The following FBXW7 variants were observed in gnomAD, a reference collection of about 807,000 sequenced individuals.
The protein encoded by FBXW7 is F-box and WD repeat domain containing 7.
FBXW7 carries 11 observed loss-of-function variants against 86.3 expected under a neutral mutation model. The ratio of observed to expected loss-of-function variants is 0.13; its 90% CI spans 0.08 to 0.21. The LOEUF is 0.21. Among genes scored for constraint, FBXW7 ranks in the 10% least tolerant of loss-of-function variants. The probability of loss-of-function intolerance (pLI) is 1.00; values close to 1 mark genes in which losing one functional copy is unlikely to be tolerated. For synonymous variants in FBXW7, 313 were observed against 297.9 expected (o/e 1.05, Z -0.52); for missense variants, 488 against 847.4 (o/e 0.58, Z 5.27).
intron 2 of FBXW7, among the ~76,000 whole-genome samples, chr4:152,519,487 T>C (rs933093186): frequency 6.6e-6 from 1 of 152,198 alleles, no homozygotes; most frequent in South Asian, 2.1e-4. Flanking sequence ...GATTTAACTC[T>C]CACTCAACAA....
chr4:152,356,422 C>A (rs920472470), intron 4 of FBXW7, among the ~76,000 whole-genome samples: 2 of 149,934 alleles, frequency 1.3e-5, no homozygotes, highest in East Asian at 3.9e-4. Flanking sequence ...CTTTTCTTTA[C>A]CTTGCTAACA....
intron 2 of FBXW7, among the ~76,000 whole-genome samples, chr4:152,513,600 T>G (rs1452145295): frequency 6.6e-6 from 1 of 152,226 alleles, no homozygotes; most frequent in African/African-American, 2.4e-5. Context: ...AAAGAGGAAA[T>G]TCAATAAAGT....
chr4:152,367,172 T>C (rs1733567336), intron 4 of FBXW7, among the ~76,000 whole-genome samples: 1 of 152,096 alleles, frequency 6.6e-6, no homozygotes, highest in Non-Finnish European at 1.5e-5. Flanking sequence ...AAATATCTAA[T>C]GTAAATGACA....
At chr4:152,467,141 C>T (rs1320516910) in intron 2 of FBXW7, among the ~76,000 whole-genome samples, 2 of 152,178 alleles carry the variant, frequency 1.3e-5, no homozygotes, top group Non-Finnish European at 2.9e-5. Context: ...CAAATCTCAT[C>T]TTGAATTGCA....
intron 2 of FBXW7, among the ~76,000 whole-genome samples, chr4:152,490,683 T>C (rs1022340199): frequency 1.3e-5 from 2 of 152,098 alleles, no homozygotes; most frequent in African/African-American, 4.8e-5. Flanking sequence ...AAATACTCCA[T>C]GGAAATATGA....
At chr4:152,421,190 C>T (rs550276773) in intron 2 of FBXW7, among the ~76,000 whole-genome samples, 2 of 152,274 alleles carry the variant, frequency 1.3e-5, no homozygotes, top group African/African-American at 4.8e-5. Flanking sequence ...AACCAAACTG[C>T]TAGCTTCCAA....
chr4:152,481,331 C>T (rs895395711), intron 2 of FBXW7, among the ~76,000 whole-genome samples: 7 of 152,150 alleles, frequency 4.6e-5, no homozygotes, highest in East Asian at 1.9e-4. Context: ...TAAAAGATTC[C>T]GTTCAAAATA....
intron 2 of FBXW7, among the ~76,000 whole-genome samples, chr4:152,520,126 C>A (rs1314240701): frequency 6.6e-6 from 1 of 152,194 alleles, no homozygotes; most frequent in African/African-American, 2.4e-5. Flanking sequence ...TTAAAAATAA[C>A]TGGGGGTAAA....
At chr4:152,380,396 G>C (rs1036977745) in intron 4 of FBXW7, among the ~76,000 whole-genome samples, 4 of 152,070 alleles carry the variant, frequency 2.6e-5, no homozygotes, top group African/African-American at 9.6e-5. Flanking sequence ...GAGTCAATGA[G>C]TTATGCAATA....
chr4:152,352,532 G>A (rs551112847), intron 4 of FBXW7: 1 of 1,613,854 alleles, frequency 6.2e-7, no homozygotes, highest in East Asian at 2.2e-5. Context: ...TTCCCCTTCA[G>A]TGATTCTGTG....
At position 152,328,309 on chromosome 4, in the gene FBXW7, T is replaced by A. The variant is rs1729243460; in HGVS notation, c.1317A>T (p.Thr439=). The A allele has an allele frequency of 6.3e-7, 1 of 1,598,860 alleles. No homozygotes were observed. The highest frequency in any genetic ancestry group is 1.4e-5 in the African/African-American group (1 of 73,626). ...MRDNIIISGS[T]DRTLKVWNAE... is the part of the protein sequence containing the mutation. The stretch of plus-strand genomic sequence containing the variant: ...CATTCCACACTTTGAGTGTCCGATC[T>A]GTAGATCCACTAATGATGATGTTGT... The change falls in exon 11 of 14, where the codon ACA becomes ACT. Residue 439 remains threonine (T), a synonymous_variant. Transcript: ENST00000281708.
At chr4:152,462,309 G>T (rs1352961618) in intron 2 of FBXW7, among the ~76,000 whole-genome samples, 1 of 152,214 alleles carries the variant, frequency 6.6e-6, no homozygotes, top group Non-Finnish European at 1.5e-5. Context: ...CAAATTGCAT[G>T]CAAGTTGAGA....
intron 4 of FBXW7, among the ~76,000 whole-genome samples, chr4:152,353,658 C>A (rs1732079119): frequency 6.6e-6 from 1 of 152,040 alleles, no homozygotes; most frequent in Admixed American, 6.6e-5. Context: ...ACTTCTATCT[C>A]CAAAATTATT....
At chr4:152,463,233 G>A (rs955248031) in intron 2 of FBXW7, among the ~76,000 whole-genome samples, 1 of 151,858 alleles carries the variant, frequency 6.6e-6, no homozygotes, top group Non-Finnish European at 1.5e-5. Flanking sequence ...GTTGCAGTGA[G>A]CCGACACATC....
chr4:152,410,094 A>G (rs1737798766), intron 4 of FBXW7, among the ~76,000 whole-genome samples: 1 of 152,180 alleles, frequency 6.6e-6, no homozygotes, highest in Non-Finnish European at 1.5e-5. Context: ...CTTTTAATTT[A>G]AAGTGTAGCA....
intron 4 of FBXW7, among the ~76,000 whole-genome samples, chr4:152,404,337 A>G (rs185810678): frequency 7.4e-4 from 113 of 152,378 alleles, no homozygotes; most frequent in Admixed American, 1.3e-3. Context: ...TATGCTTGTT[A>G]TAACAAAATG....
At chr4:152,467,460 G>A (rs932076221) in intron 2 of FBXW7, among the ~76,000 whole-genome samples, 13 of 152,118 alleles carry the variant, frequency 8.5e-5, no homozygotes, top group South Asian at 2.1e-4. Flanking sequence ...GCGTGAGAAC[G>A]GACTAATAAC....
intron 2 of FBXW7, among the ~76,000 whole-genome samples, chr4:152,437,418 G>C (rs1479608032): frequency 2.0e-5 from 3 of 151,398 alleles, no homozygotes; most frequent in Non-Finnish European, 4.4e-5. Flanking sequence ...CACTGCAGGC[G>C]CGTAGAAATA....
At position 152,516,783 on chromosome 4, in the gene FBXW7, T is replaced by C. The variant is rs542837192; in HGVS notation, c.-120+18158A>G. 2.0e-5 allele frequency among the ~76,000 whole-genome samples: 3 copies of C among 152,352 alleles called. No homozygotes were observed. In the East Asian group the frequency reaches 5.8e-4, roughly 29 times the overall value. On this transcript the variant is annotated intron_variant, in intron 2 of 13. Coordinates refer to ENST00000281708, the MANE Select transcript of FBXW7 (RefSeq NM_001349798.2). ...CTAAGAATTTATTTCTTCCACCAAGTAGGCACACAAACAATACTGTAAACT... is the reference window on the plus strand; with the variant it reads ...CTAAGAATTTATTTCTTCCACCAAGCAGGCACACAAACAATACTGTAAACT...
Sources: gnomAD v4.1 joint callset for allele counts (sites outside exome capture counted in the v4.1 genomes callset) on GRCh38, gnomAD v4.1.1 for gene constraint, MANE v1.5 for transcripts, NCBI Gene and HGNC (gene_info 2026-07-23, HGNC 2026-07-21) for gene names.